Variants in CDH13 observed in about 807,000 individuals in gnomAD.
CDH13 encodes cadherin-13.
Under a neutral mutation model 63.8 loss-of-function variants are expected in CDH13, and 24 were observed. That is an observed-to-expected ratio of 0.38 (90% confidence interval 0.27 to 0.53). The LOEUF is 0.53. Among genes scored for constraint, CDH13 ranks in the 20% least tolerant of loss-of-function variants. The pLI is 0.85. For synonymous variants in CDH13, 503 were observed against 355.3 expected (o/e 1.42, Z -4.67); for missense variants, 1,049 against 903.1 (o/e 1.16, Z -2.07).
At chr16:83,054,665 A>G (rs2030736694) in intron 3 of CDH13, among the ~76,000 whole-genome samples, 1 of 152,218 alleles carries the variant, frequency 6.6e-6, no homozygotes, top group Non-Finnish European at 1.5e-5. Context: ...AAAACTACAG[A>G]TAAGAGGGTG....
At position 83,799,104 on chromosome 16, in the gene CDH13, G is replaced by A. The variant is rs1298765636; in HGVS notation, c.*4074G>A. The A allele has an allele frequency of 6.6e-6, 1 of 151,830 alleles. No homozygotes were observed. The highest frequency in any genetic ancestry group is 2.0e-4 in the East Asian group (1 of 5,126). The allele number at this position is 151,830 out of a possible 1,614,324, so 9.4% of individuals were successfully genotyped here. A position where few individuals can be genotyped will look rare whatever the true frequency, so the allele number is the denominator to read the frequency against. Reference sequence around the variant, plus strand: ...AGGCGGGTGGATCACTTAAGGTCAGGAGTTCAAGACCAGCCTGGCCAGCAT... The same window carrying A: ...AGGCGGGTGGATCACTTAAGGTCAGAAGTTCAAGACCAGCCTGGCCAGCAT... On this transcript the variant is annotated 3_prime_UTR_variant, in exon 14 of 14. Coordinates refer to ENST00000567109, the MANE Select transcript of CDH13 (RefSeq NM_001257.5).
At position 82,698,903 on chromosome 16, in the gene CDH13, T is replaced by G. The variant is rs565021659; in HGVS notation, c.45+71766T>G. ...CTGTTCTATATTCTTTTTTTACTTC[T>G]TTTCCTTTTCTTATTATCCTTTTTC... On this transcript the variant is annotated intron_variant, in intron 1 of 13. Coordinates refer to ENST00000567109, the MANE Select transcript of CDH13 (RefSeq NM_001257.5). Among the ~76,000 whole-genome samples the G allele has an allele frequency of 7.1e-4, 98 of 137,840 alleles. 1 individual carries two copies. The highest frequency in any genetic ancestry group is 2.6e-3 in the African/African-American group (90 of 34,340). 90.4% of individuals were successfully genotyped at this position (137,840 alleles called of 152,430 possible). A position where few individuals can be genotyped will look rare whatever the true frequency, so the allele number is the denominator to read the frequency against.
intron 5 of CDH13, among the ~76,000 whole-genome samples, chr16:83,328,923 G>T (rs912108622): frequency 3.9e-5 from 6 of 152,188 alleles, no homozygotes; most frequent in Admixed American, 3.9e-4. Flanking sequence ...GATTATTTGT[G>T]CTGCTCATTT....
intron 10 of CDH13, among the ~76,000 whole-genome samples, chr16:83,691,071 CGTGTGTGTGTGT>C (rs58023339): frequency 0.33 from 46,321 of 140,798 alleles, 7,652 homozygotes; most frequent in East Asian, 0.4. Context: ...CCAACTGTGC[CGTGTGTGTGTGT>C]GTGTGTGTGT....
chr16:83,422,394 A>T (rs2071743686), intron 6 of CDH13, among the ~76,000 whole-genome samples: 2 of 152,192 alleles, frequency 1.3e-5, no homozygotes, highest in Non-Finnish European at 2.9e-5. Flanking sequence ...GAACTAGAAC[A>T]TCCAATTCTA....
At chr16:82,765,774 G>T (rs1467365304) in intron 1 of CDH13, among the ~76,000 whole-genome samples, 1 of 152,160 alleles carries the variant, frequency 6.6e-6, no homozygotes, top group Non-Finnish European at 1.5e-5. Flanking sequence ...GCCCGGGGAA[G>T]AGAGTGGGAA....
At chr16:83,694,944 C>T (rs536546499) in intron 10 of CDH13, among the ~76,000 whole-genome samples, 5 of 152,244 alleles carry the variant, frequency 3.3e-5, no homozygotes, top group South Asian at 2.1e-4. Flanking sequence ...CGGTGGTTCA[C>T]GCCTATAATC....
At chr16:83,748,694 T>C (rs1273357017) in intron 11 of CDH13, among the ~76,000 whole-genome samples, 2 of 152,178 alleles carry the variant, frequency 1.3e-5, no homozygotes, top group African/African-American at 4.8e-5. Context: ...AGGCATCAGG[T>C]ACCCTCAGTT....
At chr16:83,017,255 C>T (rs1289061557) in intron 2 of CDH13, among the ~76,000 whole-genome samples, 1 of 152,144 alleles carries the variant, frequency 6.6e-6, no homozygotes, top group Non-Finnish European at 1.5e-5. Flanking sequence ...CTTCTGGCAT[C>T]TGCTGTCTGG....
intron 7 of CDH13, among the ~76,000 whole-genome samples, chr16:83,543,667 A>T (rs1427068770): frequency 6.6e-6 from 1 of 152,170 alleles, no homozygotes; most frequent in Non-Finnish European, 1.5e-5. Context: ...CATTAGAGAC[A>T]TGTTTTGGTT....
In CDH13 at chr16:83,341,988, G is replaced by GCCAC. The variant is rs1555532510; in HGVS notation, c.637-2873_637-2870dup. 2.8e-3 allele frequency among the ~76,000 whole-genome samples: 188 copies of GCCAC among 66,986 alleles called. 1 individual carries two copies. Among genetic ancestry groups the GCCAC allele is most frequent in the Admixed American group, 8.3e-3 (50 of 5,990 alleles). The allele number at this position is 66,986 out of a possible 152,430, so 43.9% of individuals were successfully genotyped here. ...CATTTATTTTGAATAGGTGTCCCCT[G>GCCAC]CCACACACACACACACACACACACA... On this transcript the variant is annotated intron_variant, in intron 5 of 13. Transcript: ENST00000567109.
chr16:83,454,509 T>C (rs1209345317), intron 6 of CDH13, among the ~76,000 whole-genome samples: 4 of 152,210 alleles, frequency 2.6e-5, no homozygotes, highest in African/African-American at 9.7e-5. Context: ...TTGCATTTAA[T>C]GTATCATAAG....
chr16:83,379,754 C>T (rs1029862243), intron 6 of CDH13, among the ~76,000 whole-genome samples: 6 of 151,802 alleles, frequency 4.0e-5, no homozygotes, highest in Non-Finnish European at 7.4e-5. Flanking sequence ...TTGTAAATTG[C>T]ATAAATGTGT....
chr16:83,355,447 T>A (rs1239418320), intron 6 of CDH13, among the ~76,000 whole-genome samples: 1 of 152,236 alleles, frequency 6.6e-6, no homozygotes, highest in Non-Finnish European at 1.5e-5. Context: ...TTTCTCTTCA[T>A]CCTTCAACTT....
intron 7 of CDH13, among the ~76,000 whole-genome samples, chr16:83,571,616 C>T (rs1567774339): frequency 1.3e-5 from 2 of 152,128 alleles, no homozygotes; most frequent in East Asian, 1.9e-4. Flanking sequence ...TCTGCCACTC[C>T]TTAATGTAAC....
At chr16:83,089,735 A>T (rs74033127) in intron 3 of CDH13, among the ~76,000 whole-genome samples, 2,868 of 152,284 alleles carry the variant, frequency 0.019, 104 homozygotes, top group African/African-American at 0.065. Flanking sequence ...CTTTGCTATA[A>T]GGGCTACACG....
At chr16:83,129,229 C>T (rs995049870) in intron 4 of CDH13, among the ~76,000 whole-genome samples, 6 of 152,054 alleles carry the variant, frequency 3.9e-5, no homozygotes, top group South Asian at 2.1e-4. Flanking sequence ...AACACCACCA[C>T]GCTCCCAAAA....
At chr16:83,181,398 G>T (rs2038344919) in intron 4 of CDH13, among the ~76,000 whole-genome samples, 1 of 152,154 alleles carries the variant, frequency 6.6e-6, no homozygotes, top group African/African-American at 2.4e-5. Flanking sequence ...CTCTAGCCTA[G>T]GTGCCCAGGT....
chr16:83,447,381 C>G (rs997154342), intron 6 of CDH13, among the ~76,000 whole-genome samples: 1 of 151,964 alleles, frequency 6.6e-6, no homozygotes, highest in African/African-American at 2.4e-5. Context: ...CGCCACTGCA[C>G]TCCAGCCTGG....
Sources: allele counts gnomAD v4.1 joint callset (sites outside exome capture counted in the v4.1 genomes callset), GRCh38; gene constraint gnomAD v4.1.1; transcripts MANE v1.5; gene names NCBI Gene and HGNC (gene_info 2026-07-23, HGNC 2026-07-21).